UNC5C: variants seen among roughly 807,000 people sequenced by gnomAD.
UNC5C encodes the protein netrin receptor UNC5C.
Under a neutral mutation model 99.8 loss-of-function variants are expected in UNC5C, and 47 were observed. The observed-to-expected ratio is 0.47, with a 90% confidence interval of 0.37 to 0.60. The LOEUF (loss-of-function observed/expected upper bound fraction) is 0.60. UNC5C is among the 20% of genes least tolerant of loss of function. UNC5C has a pLI of 0.00. For missense variants in UNC5C, 1,062 were observed against 1,165.9 expected (o/e 0.91, Z 1.30); for synonymous variants, 487 against 452.2 (o/e 1.08, Z -0.98).
intron 3 of UNC5C, among the ~76,000 whole-genome samples, chr4:95,281,068 C>G (rs1453439154): frequency 6.6e-6 from 1 of 152,120 alleles, no homozygotes; most frequent in Non-Finnish European, 1.5e-5. Context: ...ATGTTCTTGA[C>G]AAAGTATATC....
chr4:95,453,669 T>C (rs1331036597), intron 1 of UNC5C, among the ~76,000 whole-genome samples: 4 of 151,996 alleles, frequency 2.6e-5, no homozygotes, highest in Non-Finnish European at 5.9e-5. Flanking sequence ...GTGCTAAGCA[T>C]TACAGTTTGA....
At chr4:95,269,117 T>C (rs901413368) in intron 4 of UNC5C, among the ~76,000 whole-genome samples, 1 of 152,226 alleles carries the variant, frequency 6.6e-6, no homozygotes, top group African/African-American at 2.4e-5. Flanking sequence ...CTTTTCAAAC[T>C]GCATTTTAGA....
At chr4:95,176,767 C>T (rs1218611235) in intron 14 of UNC5C, among the ~76,000 whole-genome samples, 5 of 152,240 alleles carry the variant, frequency 3.3e-5, no homozygotes, top group Non-Finnish European at 7.3e-5. Flanking sequence ...TGGTGGGCTC[C>T]ACCCAGTTCG....
chr4:95,182,854 T>C, intron 14 of UNC5C, 43 bp downstream of exon 14: 1 of 1,583,622 alleles, frequency 6.3e-7, no homozygotes. Flanking sequence ...TCTTCCTGAG[T>C]GTCGCACTCT....
chr4:95,314,170 C>T (rs780071088), intron 2 of UNC5C, among the ~76,000 whole-genome samples: 21 of 152,310 alleles, frequency 1.4e-4, no homozygotes, highest in Non-Finnish European at 3.1e-4. Flanking sequence ...ATATTAGTCA[C>T]ATACCCAGAT....
chr4:95,319,906 G>C lies in UNC5C; in HGVS notation c.346+15504C>G, dbSNP rs1047984072. 2.0e-5 allele frequency among the ~76,000 whole-genome samples: 3 copies of C among 152,088 alleles called. No individual in the cohort carries two copies. In the East Asian group the frequency reaches 5.8e-4, roughly 29 times the overall value. On this transcript the variant is annotated intron_variant, in intron 2 of 15. Transcript: ENST00000453304. ...TAGTGGTACAGAAACAAATAGAATG[G>C]AACAACAGCCTGGATCATTATCTCA... is the stretch of plus-strand genomic sequence containing the variant.
At chr4:95,184,012 T>C (rs1437134213) in intron 13 of UNC5C, among the ~76,000 whole-genome samples, 2 of 152,202 alleles carry the variant, frequency 1.3e-5, no homozygotes, top group Non-Finnish European at 2.9e-5. Context: ...AATAGTATTT[T>C]CTTATAATTG....
At chr4:95,274,882 C>T (rs1394432239) in intron 4 of UNC5C, among the ~76,000 whole-genome samples, 1 of 151,986 alleles carries the variant, frequency 6.6e-6, no homozygotes. Flanking sequence ...AAAAACTAGC[C>T]ATGCGTGGTG....
rs573747457 is a variant in UNC5C, at chr4:95,294,448, G to C, written c.490+7158C>G. Among the ~76,000 whole-genome samples the C allele has an allele frequency of 7.2e-5, 11 of 152,280 alleles. No individual in the cohort carries two copies. In the East Asian group the frequency reaches 1.4e-3, roughly 19 times the overall value. On this transcript the variant is annotated intron_variant, in intron 3 of 15. Transcript: ENST00000453304. ...GCCAGCAGGCTTTGTGATGCTGGCT[G>C]TGATTTATTGGTTTGCACACACGAT... is the stretch of plus-strand genomic sequence containing the variant.
In UNC5C at chr4:95,310,806, G is replaced by T. The variant is rs1742248427; in HGVS notation, c.347-9057C>A. ...ATTCACTGGATTGTGTAACTGGGTTGGGGGGGGATTTCTAGTGCTTCTAGA... is the reference window on the plus strand; with the variant it reads ...ATTCACTGGATTGTGTAACTGGGTTTGGGGGGGATTTCTAGTGCTTCTAGA... On this transcript the variant is annotated intron_variant, in intron 2 of 15. Transcript: ENST00000453304. 2.8e-5 allele frequency among the ~76,000 whole-genome samples: 4 copies of T among 144,452 alleles called. No homozygotes were observed. In the East Asian group the frequency reaches 7.9e-4, roughly 29 times the overall value. The allele number at this position is 144,452 out of a possible 152,430, so 94.8% of individuals were successfully genotyped here.
At chr4:95,490,669 T>A (rs74836352) in intron 1 of UNC5C, among the ~76,000 whole-genome samples, 3,428 of 151,838 alleles carry the variant, frequency 0.023, 136 homozygotes, top group African/African-American at 0.077. Context: ...AAGAATAAAA[T>A]TTTGTTTCTG....
intron 1 of UNC5C, among the ~76,000 whole-genome samples, chr4:95,354,479 A>ATATATATTTTTTTT: frequency 0.016 from 1,715 of 110,112 alleles, 27 homozygotes; most frequent in Non-Finnish European, 0.022. Context: ...ATATATATAT[A>ATATATATTTTTTTT]TTTTTTTTTT....
Position 95,185,027 on chromosome 4 carries a change from G to A in UNC5C, c.2286+20C>T. 3 of 1,600,620 alleles carry A rather than the reference G, an allele frequency of 1.9e-6. No homozygotes were observed. The highest frequency in any genetic ancestry group is 2.6e-6 in the Non-Finnish European group (3 of 1,175,674). ...TCTTAGAGATGTCTCCAGACCTTTTGTTCGGCTTGGGAACCTTACCTGATA... is the reference window on the plus strand; with the variant it reads ...TCTTAGAGATGTCTCCAGACCTTTTATTCGGCTTGGGAACCTTACCTGATA... On this transcript the variant is annotated intron_variant, in intron 13 of 15. Transcript: ENST00000453304.
chr4:95,311,521 G>T (rs569145013), intron 2 of UNC5C, among the ~76,000 whole-genome samples: 2 of 152,092 alleles, frequency 1.3e-5, no homozygotes, highest in Admixed American at 6.5e-5. Flanking sequence ...CTTGTTTCAG[G>T]CATTCATGAG....
At chr4:95,394,389 C>T (rs536012386) in intron 1 of UNC5C, among the ~76,000 whole-genome samples, 1 of 152,254 alleles carries the variant, frequency 6.6e-6, no homozygotes, top group African/African-American at 2.4e-5. Context: ...AATTGGAAAA[C>T]TCCTCTTGGG....
intron 2 of UNC5C, among the ~76,000 whole-genome samples, chr4:95,304,461 G>A (rs1381037490): frequency 2.0e-5 from 3 of 152,112 alleles, no homozygotes; most frequent in South Asian, 2.1e-4. Context: ...CCCTACTCAG[G>A]CCTCTCATTT....
At chr4:95,504,122 T>G (rs888951164) in intron 1 of UNC5C, among the ~76,000 whole-genome samples, 1 of 152,186 alleles carries the variant, frequency 6.6e-6, no homozygotes, top group Non-Finnish European at 1.5e-5. Flanking sequence ...TGACTCCTAT[T>G]CTTGAAGTCC....
At chr4:95,424,828 T>A (rs137854976) in intron 1 of UNC5C, among the ~76,000 whole-genome samples, 133 of 151,952 alleles carry the variant, frequency 8.8e-4, no homozygotes, top group Non-Finnish European at 1.2e-3. Context: ...CGCCCCAGAT[T>A]TTTTATAGAT....
At chr4:95,221,435 A>C (rs1738464537) in intron 7 of UNC5C, among the ~76,000 whole-genome samples, 1 of 152,238 alleles carries the variant, frequency 6.6e-6, no homozygotes, top group Admixed American at 6.5e-5. Context: ...CACATGGTTT[A>C]CATGGTGAAA....
Sources: gnomAD v4.1 joint callset for allele counts (sites outside exome capture counted in the v4.1 genomes callset) on GRCh38, gnomAD v4.1.1 for gene constraint, MANE v1.5 for transcripts, NCBI Gene and HGNC (gene_info 2026-07-23, HGNC 2026-07-21) for gene names.